CACNA2D3: variants seen among roughly 807,000 people sequenced by gnomAD.
CACNA2D3 encodes calcium voltage-gated channel auxiliary subunit alpha2delta 3.
Under a neutral mutation model 160.6 loss-of-function variants are expected in CACNA2D3, and 60 were observed. That is an observed-to-expected ratio of 0.37 (90% CI 0.30 to 0.46). CACNA2D3 has a LOEUF of 0.46. CACNA2D3 is among the 20% of genes least tolerant of loss of function. CACNA2D3 has a pLI of 1.00. For synonymous variants in CACNA2D3, 558 were observed against 492.9 expected, an observed-to-expected ratio of 1.13 and a Z score of -1.75; for missense variants, 1,205 against 1,365.0, an observed-to-expected ratio of 0.88 and a Z score of 1.85.
chr3:54,330,904 A>G (rs1299583403), intron 3 of CACNA2D3, among the ~76,000 whole-genome samples: 1 of 152,180 alleles, frequency 6.6e-6, no homozygotes, highest in African/African-American at 2.4e-5. Flanking sequence ...TGTGGTCCAC[A>G]CGGGGGAATT....
intron 10 of CACNA2D3, chr3:54,632,321 T>G (rs2106825453): frequency 6.6e-6 from 1 of 152,272 alleles, no homozygotes; most frequent in South Asian, 2.1e-4. Context: ...TTTGGGAAAA[T>G]TTTTCCAGGA....
At chr3:54,897,763 T>A (rs1700225330) in intron 26 of CACNA2D3, among the ~76,000 whole-genome samples, 1 of 152,222 alleles carries the variant, frequency 6.6e-6, no homozygotes, top group South Asian at 2.1e-4. Flanking sequence ...GTCATTTCCA[T>A]GACTGAAAAT....
In CACNA2D3 at chr3:54,562,808, A is replaced by C. The variant is rs761681148; in HGVS notation, c.553A>C (p.Ile185Leu). The stretch of plus-strand genomic sequence containing the variant: ...CTCTTTCTTTTTTACAGACCCTGCA[A>C]TTGTCAATGGGGTTTATTGGTCTGA... ...PTNMYNKDPA[I>L]VNGVYWSESL... Residue 185 changes from isoleucine to leucine, a missense_variant, in exon 6 of 38, where the codon ATT becomes CTT. Physicochemically the swap from Ile to Leu is conservative, Grantham distance 5 (BLOSUM62 2). Around this residue, in one of 3 missense-constraint regions of CACNA2D3, gnomAD observed 131 missense variants for 201.5 expected, o/e 0.65. Coordinates refer to ENST00000474759, the MANE Select transcript of CACNA2D3 (RefSeq NM_018398.3). 5.6e-6 allele frequency: 9 copies of C among 1,612,278 alleles called. No individual in the cohort carries two copies.
chr3:54,358,705 C>T (rs1698691734), intron 3 of CACNA2D3, among the ~76,000 whole-genome samples: 1 of 152,124 alleles, frequency 6.6e-6, no homozygotes, highest in Non-Finnish European at 1.5e-5. Context: ...CTTTGTAATT[C>T]CTATTATGGT....
chr3:54,582,151 C>T (rs1006135586), intron 9 of CACNA2D3, among the ~76,000 whole-genome samples: 9 of 152,180 alleles, frequency 5.9e-5, no homozygotes, highest in Admixed American at 1.3e-4. Context: ...TTGATGCTTA[C>T]GTTGACACTC....
chr3:54,689,010 A>AAG (rs1553785966), intron 11 of CACNA2D3, among the ~76,000 whole-genome samples: 5 of 85,496 alleles, frequency 5.8e-5, no homozygotes, highest in Admixed American at 1.5e-4. Flanking sequence ...AAAAAAAAAA[A>AAG]AGAATGAGGT....
intron 2 of CACNA2D3, among the ~76,000 whole-genome samples, chr3:54,255,948 A>G (rs9875569): frequency 0.26 from 39,145 of 152,050 alleles, 5,185 homozygotes; most frequent in African/African-American, 0.31. Flanking sequence ...TCACAGATCC[A>G]GTAAGTGTCA....
intron 3 of CACNA2D3, among the ~76,000 whole-genome samples, chr3:54,369,235 C>G (rs1698880323): frequency 6.7e-6 from 1 of 149,668 alleles, no homozygotes; most frequent in African/African-American, 2.5e-5. Flanking sequence ...AACAAACAAA[C>G]AAAAAACTTG....
At chr3:54,229,627 G>C (rs1287492904) in intron 2 of CACNA2D3, among the ~76,000 whole-genome samples, 1 of 152,126 alleles carries the variant, frequency 6.6e-6, no homozygotes, top group Non-Finnish European at 1.5e-5. Flanking sequence ...GAATCACCAT[G>C]CCCGGCCTAA....
chr3:54,843,351 A>G (rs904021537), intron 16 of CACNA2D3, among the ~76,000 whole-genome samples: 1 of 152,220 alleles, frequency 6.6e-6, no homozygotes, highest in Non-Finnish European at 1.5e-5. Flanking sequence ...CCTTTTTACA[A>G]GAGATGAGCT....
intron 5 of CACNA2D3, among the ~76,000 whole-genome samples, chr3:54,528,989 T>G (rs189790132): frequency 1.3e-5 from 2 of 152,286 alleles, no homozygotes; most frequent in Non-Finnish European, 1.5e-5. Context: ...CCAACCTGAT[T>G]AGAAAAGGAA....
At chr3:54,451,833 C>T (rs1455995148) in intron 4 of CACNA2D3, among the ~76,000 whole-genome samples, 1 of 152,178 alleles carries the variant, frequency 6.6e-6, no homozygotes, top group African/African-American at 2.4e-5. Flanking sequence ...GCTTTCTACC[C>T]AGTGGTAGAA....
At chr3:54,316,149 A>G (rs1575390541) in intron 2 of CACNA2D3, among the ~76,000 whole-genome samples, 1 of 127,512 alleles carries the variant, frequency 7.8e-6, no homozygotes, top group African/African-American at 2.7e-5. Context: ...TTACTGTCAT[A>G]CGTTGTGACA....
rs547007115 is a variant in CACNA2D3 at position 55,003,896 on chromosome 3, G to C, written c.2691-867G>C. 4.6e-5 allele frequency among the ~76,000 whole-genome samples: 7 copies of C among 152,268 alleles called. No individual in the cohort carries two copies. The East Asian group carries it at 1.4e-3, about 29-fold the overall frequency. On this transcript the variant is annotated intron_variant, in intron 31 of 37. Coordinates refer to ENST00000474759, the MANE Select transcript of CACNA2D3 (RefSeq NM_018398.3). ...CTTCAGAAAACAACTGCATCCTGTG[G>C]TTTGGGACTGTGTGGTAAGGGAGAC...
At chr3:54,249,241 G>C (rs899858530) in intron 2 of CACNA2D3, among the ~76,000 whole-genome samples, 1 of 152,190 alleles carries the variant, frequency 6.6e-6, no homozygotes, top group Non-Finnish European at 1.5e-5. Flanking sequence ...GTGCCAAGTT[G>C]ACAAGGACTT....
At position 54,530,865 on chromosome 3, in the gene CACNA2D3, G is replaced by C. The variant is rs142420115; in HGVS notation, c.544+27211G>C. 1.6e-4 allele frequency among the ~76,000 whole-genome samples: 25 copies of C among 152,266 alleles called. No individual in the cohort carries two copies. The South Asian group carries it at 2.5e-3, about 15-fold the overall frequency. ...TGTTGGCTAAGCTGAAAAAAGCTGT[G>C]TCCTCTTGTGGTCTCTCCCTGAGTC... On this transcript the variant is annotated intron_variant, in intron 5 of 37. Coordinates refer to ENST00000474759, the MANE Select transcript of CACNA2D3 (RefSeq NM_018398.3).
At chr3:54,566,608 C>T (rs1451598667) in intron 6 of CACNA2D3, among the ~76,000 whole-genome samples, 1 of 152,194 alleles carries the variant, frequency 6.6e-6, no homozygotes, top group Non-Finnish European at 1.5e-5. Context: ...CTATACATCA[C>T]AGACAGGTCA....
chr3:54,501,973 G>A (rs1012197232), intron 4 of CACNA2D3, among the ~76,000 whole-genome samples: 2 of 152,140 alleles, frequency 1.3e-5, no homozygotes, highest in African/African-American at 4.8e-5. Context: ...TGCCTGGATG[G>A]CTTCTGAAGA....
chr3:54,344,479 C>T (rs1423680935), intron 3 of CACNA2D3, among the ~76,000 whole-genome samples: 1 of 152,210 alleles, frequency 6.6e-6, no homozygotes, highest in Non-Finnish European at 1.5e-5. Flanking sequence ...AAATTGTGTT[C>T]TGGCAACGAG....
Sources: allele counts gnomAD v4.1 joint callset (sites outside exome capture counted in the v4.1 genomes callset), GRCh38; gene constraint gnomAD v4.1.1; regional missense constraint gnomAD v4.1.1; transcripts MANE v1.5; gene names NCBI Gene and HGNC (gene_info 2026-07-23, HGNC 2026-07-21).